PRKCE: variants seen among roughly 807,000 people sequenced by gnomAD.
PRKCE encodes the protein protein kinase C epsilon type.
Under a neutral mutation model 85.4 loss-of-function variants are expected in PRKCE, and 16 were observed. The ratio of observed to expected loss-of-function variants is 0.19; its 90% CI spans 0.13 to 0.28. PRKCE has a LOEUF of 0.28. PRKCE is among the 10% of genes least tolerant of loss of function. The probability of loss-of-function intolerance (pLI) is 1.00; values close to 1 mark genes in which losing one functional copy is unlikely to be tolerated. For synonymous variants in PRKCE, 388 were observed against 371.5 expected, an observed-to-expected ratio of 1.04 and a Z score of -0.51; for missense variants, 573 against 975.2, an observed-to-expected ratio of 0.59 and a Z score of 5.49.
chr2:45,828,656 A>C (rs1690153719), intron 1 of PRKCE, among the ~76,000 whole-genome samples: 1 of 152,078 alleles, frequency 6.6e-6, no homozygotes, highest in Admixed American at 6.5e-5. Context: ...TCTTTTTTTC[A>C]GCTGTAGGCA....
chr2:45,889,092 A>G (rs1695516501), intron 2 of PRKCE, among the ~76,000 whole-genome samples: 1 of 152,216 alleles, frequency 6.6e-6, no homozygotes, highest in African/African-American at 2.4e-5. Context: ...TCTGTTATAG[A>G]AGCAGATGGT....
intron 11 of PRKCE, among the ~76,000 whole-genome samples, chr2:46,097,392 C>T (rs912826167): frequency 1.7e-4 from 26 of 151,894 alleles, no homozygotes; most frequent in Non-Finnish European, 2.9e-4. Context: ...TGGTGGCGGG[C>T]GTCTGTAGTC....
At chr2:46,019,651 A>G (rs376821767) in intron 10 of PRKCE, among the ~76,000 whole-genome samples, 1 of 152,176 alleles carries the variant, frequency 6.6e-6, no homozygotes, top group Non-Finnish European at 1.5e-5. Context: ...TCTTTATACC[A>G]ATTAGCCTAT....
chr2:46,047,584 T>C (rs112189871), intron 10 of PRKCE, among the ~76,000 whole-genome samples: 4 of 152,288 alleles, frequency 2.6e-5, no homozygotes, highest in African/African-American at 9.6e-5. Context: ...AACCTATTAG[T>C]TACATGTTAG....
chr2:45,673,738 A>G (rs1171899392), intron 1 of PRKCE, among the ~76,000 whole-genome samples: 2 of 152,244 alleles, frequency 1.3e-5, no homozygotes, highest in Non-Finnish European at 2.9e-5. Flanking sequence ...TGTAGAGTAT[A>G]TGAAAATAGA....
At chr2:46,097,692 A>C (rs1178138116) in intron 11 of PRKCE, among the ~76,000 whole-genome samples, 1 of 152,170 alleles carries the variant, frequency 6.6e-6, no homozygotes, top group East Asian at 1.9e-4. Context: ...TATAAAAGTC[A>C]TTCTGTCCCT....
intron 2 of PRKCE, among the ~76,000 whole-genome samples, chr2:45,904,863 G>T (rs765154638): frequency 2.0e-4 from 31 of 152,190 alleles, no homozygotes; most frequent in Admixed American, 4.6e-4. Context: ...GGGGGGCTGG[G>T]TGAGCCTATG....
chr2:46,017,536 C>T (rs994872160), intron 10 of PRKCE, among the ~76,000 whole-genome samples: 5 of 152,228 alleles, frequency 3.3e-5, no homozygotes, highest in African/African-American at 1.2e-4. Flanking sequence ...TTCTTTGAGG[C>T]CTTACTTTCA....
At chr2:45,675,908 G>A (rs1316678057) in intron 1 of PRKCE, among the ~76,000 whole-genome samples, 1 of 152,140 alleles carries the variant, frequency 6.6e-6, no homozygotes, top group Non-Finnish European at 1.5e-5. Flanking sequence ...GGCTGTGGAA[G>A]CGTCTCAGCA....
chr2:45,676,958 A>G (rs1309374177), intron 1 of PRKCE: 2 of 152,230 alleles, frequency 1.3e-5, no homozygotes, highest in Non-Finnish European at 2.9e-5. Flanking sequence ...CAATTATGAC[A>G]TAGTTCATAA....
chr2:46,049,244 T>A (rs1708713313), intron 10 of PRKCE, among the ~76,000 whole-genome samples: 1 of 152,214 alleles, frequency 6.6e-6, no homozygotes, highest in African/African-American at 2.4e-5. Flanking sequence ...TCAGGGTTTC[T>A]GCTTAGAAGC....
intron 11 of PRKCE, among the ~76,000 whole-genome samples, chr2:46,116,337 C>T (rs1466212416): frequency 6.6e-6 from 1 of 152,206 alleles, no homozygotes; most frequent in Non-Finnish European, 1.5e-5. Context: ...GCATGAGCTG[C>T]CTTGACACTG....
intron 1 of PRKCE, among the ~76,000 whole-genome samples, chr2:45,771,318 C>G (rs920700153): frequency 6.6e-6 from 1 of 152,216 alleles, no homozygotes; most frequent in African/African-American, 2.4e-5. Flanking sequence ...AAGAGGCTCA[C>G]GTTAGGCAGA....
chr2:45,806,459 G>A (rs7591885), intron 1 of PRKCE, among the ~76,000 whole-genome samples: 93,075 of 152,126 alleles, frequency 0.61, 29,773 homozygotes, highest in African/African-American at 0.79. Flanking sequence ...CATCTTACTC[G>A]TTTTTAAGTG....
chr2:45,695,435 C>T (rs1343735989), intron 1 of PRKCE, among the ~76,000 whole-genome samples: 1 of 152,106 alleles, frequency 6.6e-6, no homozygotes, highest in Non-Finnish European at 1.5e-5. Flanking sequence ...AATAACTACC[C>T]ATCACAGAAA....
At chr2:45,724,404 A>G (rs1390714471) in intron 1 of PRKCE, among the ~76,000 whole-genome samples, 1 of 152,134 alleles carries the variant, frequency 6.6e-6, no homozygotes, top group East Asian at 1.9e-4. Context: ...CAGCCTCTCT[A>G]ATTCTCTGAG....
intron 1 of PRKCE, among the ~76,000 whole-genome samples, chr2:45,783,873 G>T (rs1481366485): frequency 1.3e-5 from 2 of 152,178 alleles, no homozygotes; most frequent in African/African-American, 4.8e-5. Context: ...CCTGTGATAG[G>T]AAAGTCACAG....
In PRKCE at chr2:46,005,935, G is replaced by A. The variant is rs576247272; in HGVS notation, c.1063+1297G>A. Among the ~76,000 whole-genome samples, 37 of 152,310 alleles carry A rather than the reference G, an allele frequency of 2.4e-4. No homozygotes were observed. The South Asian group carries it at 6.8e-3, about 28-fold the overall frequency. ...TCTGAGGCTGAGATCCCCTTTGGGAGCTTCAGGGAGACAGGGTCATATAGA... is the reference window on the plus strand; with the variant it reads ...TCTGAGGCTGAGATCCCCTTTGGGAACTTCAGGGAGACAGGGTCATATAGA... On this transcript the variant is annotated intron_variant, in intron 8 of 14. Coordinates refer to ENST00000306156, the MANE Select transcript of PRKCE (RefSeq NM_005400.3).
chr2:45,882,291 G>A (rs1015528627), intron 2 of PRKCE, among the ~76,000 whole-genome samples: 4 of 152,136 alleles, frequency 2.6e-5, no homozygotes, highest in African/African-American at 9.7e-5. Context: ...TTTTGATGCT[G>A]TCCTCCAAGA....
Sources: allele counts gnomAD v4.1 joint callset (sites outside exome capture counted in the v4.1 genomes callset), GRCh38; gene constraint gnomAD v4.1.1; transcripts MANE v1.5; gene names NCBI Gene and HGNC (gene_info 2026-07-23, HGNC 2026-07-21).